PCDHA3: variants seen among roughly 807,000 people sequenced by gnomAD.
The protein encoded by PCDHA3 is protocadherin alpha-3.
Under a neutral mutation model 62.2 loss-of-function variants are expected in PCDHA3, and 41 were observed. The observed-to-expected ratio is 0.66, with a 90% CI of 0.51 to 0.86. The LOEUF is 0.86. PCDHA3 is among the 40% of genes least tolerant of loss of function. The pLI, the probability that PCDHA3 is intolerant of heterozygous loss-of-function variation, is 0.00. For synonymous variants in PCDHA3, 640 were observed against 555.4 expected, an observed-to-expected ratio of 1.15 and a Z score of -2.14; for missense variants, 1,304 against 1,241.2, an observed-to-expected ratio of 1.05 and a Z score of -0.76.
chr5:140,900,143 G>C (rs1198470231), intron 1 of PCDHA3, among the ~76,000 whole-genome samples: 2 of 152,156 alleles, frequency 1.3e-5, no homozygotes, highest in African/African-American at 2.4e-5. Flanking sequence ...AAATAAGTAA[G>C]AACATACGAT....
chr5:140,860,424 C>T (rs1554153356), intron 1 of PCDHA3: 1 of 152,034 alleles, frequency 6.6e-6, no homozygotes, highest in Non-Finnish European at 1.5e-5. Flanking sequence ...CATTATCCTG[C>T]AAATATGATC....
At chr5:140,908,822 C>G (rs2074167872) in intron 1 of PCDHA3, among the ~76,000 whole-genome samples, 1 of 152,136 alleles carries the variant, frequency 6.6e-6, no homozygotes, top group African/African-American at 2.4e-5. Flanking sequence ...TTTTGGGTTA[C>G]TCGATAAATG....
chr5:140,869,894 T>A lies in PCDHA3; in HGVS notation c.2394+66303T>A, dbSNP rs1234875307. 5 of 1,610,472 alleles carry A rather than the reference T, an allele frequency of 3.1e-6. No individual in the cohort carries two copies. The African/African-American group carries it at 4.0e-5, about 13-fold the overall frequency. On this transcript the variant is annotated intron_variant, in intron 1 of 3. Coordinates refer to ENST00000522353, the MANE Select transcript of PCDHA3 (RefSeq NM_018906.3). ...GCTAAAGAAACTCTTGTGCTCAAAC[T>A]AAACGCCACAGACCGAGACGAAGGA...
At chr5:140,826,184 A>G (rs1392626377) in intron 1 of PCDHA3, among the ~76,000 whole-genome samples, 1 of 152,236 alleles carries the variant, frequency 6.6e-6, no homozygotes, top group African/African-American at 2.4e-5. Context: ...CTATAAATCT[A>G]AAGTTAACAA....
chr5:140,830,034 T>C (rs1581895588), intron 1 of PCDHA3: 2 of 1,613,732 alleles, frequency 1.2e-6, no homozygotes, highest in East Asian at 2.2e-5. Flanking sequence ...CACCGGCTGC[T>C]GGTGCTGGTG....
intron 1 of PCDHA3, among the ~76,000 whole-genome samples, chr5:140,975,953 T>A (rs1554237158): frequency 6.6e-6 from 1 of 152,084 alleles, no homozygotes; most frequent in Non-Finnish European, 1.5e-5. Context: ...CATATTAGAG[T>A]TCTTCACCAA....
intron 1 of PCDHA3, chr5:140,843,007 G>T (rs2150349965): frequency 6.3e-7 from 1 of 1,594,864 alleles, no homozygotes; most frequent in African/African-American, 1.3e-5. Flanking sequence ...ATGACAACGC[G>T]CCGGCACTGC....
intron 1 of PCDHA3, among the ~76,000 whole-genome samples, chr5:140,947,681 C>T (rs976876831): frequency 3.3e-5 from 5 of 151,572 alleles, no homozygotes; most frequent in Non-Finnish European, 5.9e-5. Context: ...AAAAAATTGT[C>T]TCAGCATGTT....
At chr5:140,968,923 T>C in intron 1 of PCDHA3, 1 of 1,614,212 alleles carries the variant, frequency 6.2e-7, no homozygotes, top group Non-Finnish European at 8.5e-7. Flanking sequence ...CTTTTATATT[T>C]CTTTTGACAA....
chr5:140,882,226 G>C (rs778262653), intron 1 of PCDHA3: 257 of 1,564,032 alleles, frequency 1.6e-4, no homozygotes, highest in Non-Finnish European at 3.8e-5. Flanking sequence ...GAGGTAAGGC[G>C]TTGTATATAT....
At chr5:140,835,660 C>T (rs1773814607) in intron 1 of PCDHA3, 8 of 1,613,932 alleles carry the variant, frequency 5.0e-6, no homozygotes, top group Middle Eastern at 1.7e-4. Flanking sequence ...CTGGTGGTTA[C>T]CGCGCGGGAC....
intron 1 of PCDHA3, chr5:140,858,764 G>A: frequency 4.4e-6 from 2 of 451,976 alleles, no homozygotes; most frequent in South Asian, 5.7e-5. Context: ...ACAAATATTT[G>A]TGAGATTAGT....
rs562081561 is a variant in PCDHA3 at position 140,927,834 on chromosome 5, C to T, written c.2395-51115C>T. 1.2e-5 allele frequency: 19 copies of T among 1,614,138 alleles called. No homozygotes were observed. In the East Asian group the frequency reaches 2.2e-4, roughly 19 times the overall value. ...TGGAGGCATACATTGAGGCGAGGGA[C>T]GAAGGTGTCTTTGGTTTAGCTAGCA... On this transcript the variant is annotated intron_variant, in intron 1 of 3. Coordinates refer to ENST00000522353, the MANE Select transcript of PCDHA3 (RefSeq NM_018906.3).
rs2150260681 is a variant in PCDHA3 at position 140,836,426 on chromosome 5, G to A, written c.2394+32835G>A. The stretch of plus-strand genomic sequence containing the variant: ...GCCAGGCACCAAAGGCGTCGTCGCG[G>A]GCATCGTTGGGCATTGCAGGCCCAG... On this transcript the variant is annotated intron_variant, in intron 1 of 3. Transcript: ENST00000522353. 2.7e-5 allele frequency: 44 copies of A among 1,613,710 alleles called. 1 individual carries two copies. The highest frequency in any genetic ancestry group is 3.5e-5 in the Non-Finnish European group (41 of 1,179,868).
intron 1 of PCDHA3, chr5:140,876,542 T>C (rs782388773): frequency 5.0e-6 from 8 of 1,614,194 alleles, no homozygotes; most frequent in Non-Finnish European, 5.9e-6. Flanking sequence ...TCACTGTCGC[T>C]CCCTGTGCAA....
intron 1 of PCDHA3, chr5:140,835,757 C>T (rs1467581889): frequency 2.5e-6 from 4 of 1,613,278 alleles, no homozygotes; most frequent in Admixed American, 1.7e-5. Context: ...TCGCGCAGCC[C>T]GAGTATACGG....
At chr5:140,959,591 A>C (rs2095498403) in intron 1 of PCDHA3, among the ~76,000 whole-genome samples, 1 of 152,220 alleles carries the variant, frequency 6.6e-6, no homozygotes, top group African/African-American at 2.4e-5. Context: ...CTATCAGCCA[A>C]GTATAACATG....
At chr5:140,869,733 G>A (rs2051364392) in intron 1 of PCDHA3, 1 of 1,613,178 alleles carries the variant, frequency 6.2e-7, no homozygotes, top group Non-Finnish European at 8.5e-7. Context: ...AACTTAATTT[G>A]CTGCTAACAG....
At chr5:140,862,076 C>A (rs782160778) in intron 1 of PCDHA3, 1 of 157,430 alleles carries the variant, frequency 6.4e-6, no homozygotes, top group Non-Finnish European at 1.4e-5. Context: ...TCTCCCCTAA[C>A]ATAGAAGCCC....
Sources: allele counts gnomAD v4.1 joint callset (sites outside exome capture counted in the v4.1 genomes callset), GRCh38; gene constraint gnomAD v4.1.1; transcripts MANE v1.5; gene names NCBI Gene and HGNC (gene_info 2026-07-23, HGNC 2026-07-21).